The following ZNF839 variants were observed in gnomAD, a reference collection of about 807,000 sequenced individuals.
ZNF839 encodes the protein renal carcinoma antigen NY-REN-50.
Under a neutral mutation model 56.4 loss-of-function variants are expected in ZNF839, and 38 were observed. That is an observed-to-expected ratio of 0.67 (90% CI 0.52 to 0.88). The LOEUF (loss-of-function observed/expected upper bound fraction) is 0.88. Among genes scored for constraint, ZNF839 ranks in the 40% least tolerant of loss-of-function variants. The probability of loss-of-function intolerance (pLI) is 0.00; values close to 1 mark genes in which losing one functional copy is unlikely to be tolerated. For missense variants in ZNF839, 1,091 were observed against 1,177.6 expected (o/e 0.93, Z 1.08); for synonymous variants, 486 against 493.5 (o/e 0.98, Z 0.20).
At chr14:102,338,217 T>G (rs1360185145) in intron 5 of ZNF839, among the ~76,000 whole-genome samples, 2 of 152,134 alleles carry the variant, frequency 1.3e-5, no homozygotes, top group Non-Finnish European at 2.9e-5. Context: ...GTGATAGCAT[T>G]AAAGAGAGTG....
At chr14:102,317,858 A>G (rs1009519404), upstream of ZNF839, among the ~76,000 whole-genome samples, 8 of 152,098 alleles carry the variant, frequency 5.3e-5, no homozygotes, top group Admixed American at 2.6e-4. Context: ...AGCCAGAGCA[A>G]GTGGATGAAT....
At chr14:102,322,190 G>A (rs2073164757) in intron 1 of ZNF839, among the ~76,000 whole-genome samples, 1 of 152,206 alleles carries the variant, frequency 6.6e-6, no homozygotes, top group Admixed American at 6.5e-5. Context: ...GTTGTACCAT[G>A]ATGACATTTT....
At chr14:102,333,524 A>C (rs1320008539) in intron 3 of ZNF839, among the ~76,000 whole-genome samples, 1 of 151,918 alleles carries the variant, frequency 6.6e-6, no homozygotes, top group Non-Finnish European at 1.5e-5. Flanking sequence ...TGGCCTCCCA[A>C]ATTGCAGGGA....
Position 102,335,852 on chromosome 14 carries a change from A to G in ZNF839, c.1659+14A>G, listed in dbSNP as rs755091523. Reference sequence around the variant, plus strand: ...AACAATGATAAGGTAACAATCTCCCATGGCAGAAAGAGTTTTGCTCATAGA... The same window carrying G: ...AACAATGATAAGGTAACAATCTCCCGTGGCAGAAAGAGTTTTGCTCATAGA... On this transcript the variant is annotated intron_variant, in intron 5 of 7. Transcript: ENST00000442396. 1.2e-6 allele frequency: 2 copies of G among 1,608,348 alleles called. No individual in the cohort carries two copies. Among genetic ancestry groups the G allele is most frequent in the African/African-American group, 1.3e-5 (1 of 74,824 alleles).
chr14:102,322,705 C>CA (rs2073195501), intron 1 of ZNF839, among the ~76,000 whole-genome samples: 1 of 152,140 alleles, frequency 6.6e-6, no homozygotes, highest in African/African-American at 2.4e-5. Context: ...GCTGGGGCTA[C>CA]ATGTATGCAC....
At chr14:102,320,202 GC>G (rs2073051833) in intron 1 of ZNF839, 149 bp downstream of exon 1, 1 of 1,031,502 alleles carries the variant, frequency 9.7e-7, no homozygotes, top group African/African-American at 1.7e-5. Flanking sequence ...ACGGCGTTCG[GC>G]CCCCACCTGT....
At chr14:102,325,180 AC>A (rs1265242880) in intron 1 of ZNF839, among the ~76,000 whole-genome samples, 1 of 151,842 alleles carries the variant, frequency 6.6e-6, no homozygotes, top group East Asian at 2.0e-4. Flanking sequence ...ACATGGTGAA[AC>A]CCGTCTCTAC....
intron 1 of ZNF839, among the ~76,000 whole-genome samples, chr14:102,322,570 T>G (rs1041018377): frequency 3.3e-5 from 5 of 152,186 alleles, no homozygotes; most frequent in African/African-American, 1.2e-4. Flanking sequence ...ATATGTATTA[T>G]GTTTTTGTTT....
In ZNF839 at chr14:102,326,618, C is replaced by T; in HGVS notation, c.922C>T (p.Leu308=). ...HALFDLSSCS[L]RPKSFKCQTC... ...ACTCTTTGACTTATCGAGCTGCTCC[C>T]TGAGGCCCAAAAGCTTTAAGTGTCA... The change falls in exon 2 of 8, where the codon CTG becomes TTG. Residue 308 remains leucine, a synonymous_variant. Coordinates refer to ENST00000442396, the MANE Select transcript of ZNF839 (RefSeq NM_018335.6). This position sits in a 1 kb window ranked among gnomAD's most constrained non-coding sequence, Gnocchi z 4.3. 2 of 1,613,728 alleles carry T rather than the reference C, an allele frequency of 1.2e-6. No individual in the cohort carries two copies.
Position 102,331,717 on chromosome 14 carries a change from C to G in ZNF839, c.1287C>G (p.Arg429=). The change falls in exon 3 of 8, where the codon CGC becomes CGG. Residue 429 remains arginine (R), a synonymous_variant. Coordinates refer to ENST00000442396, the MANE Select transcript of ZNF839 (RefSeq NM_018335.6). ...AGAGATACCAAGGACCTAGAAGACG[C>G]GCATGCTCAGAGACCCTTGCAGAGT... ...RSERYQGPRR[R]ACSETLAESR... 1 of 1,609,700 alleles carries G rather than the reference C, an allele frequency of 6.2e-7. No homozygotes were observed. Among genetic ancestry groups the G allele is most frequent in the Non-Finnish European group, 8.5e-7 (1 of 1,177,900 alleles).
chr14:102,319,944 T>C lies in ZNF839; in HGVS notation c.179T>C (p.Phe60Ser). Residue 60 changes from phenylalanine to serine, a missense_variant, in exon 1 of 8, where the codon TTC (phenylalanine) becomes TCC (serine). Around this residue, in one of 3 missense-constraint regions of ZNF839, gnomAD observed 614 missense variants for 629.2 expected, o/e 0.98. Transcript: ENST00000442396. This position sits in a 1 kb window ranked among gnomAD's most constrained non-coding sequence, Gnocchi z 4.5. ...CAGCCGCCGCCGCCGCCGCCCCCCT[T>C]CGTGCTGCGGGACGCGGCGCGGCGG... ...KAQPPPPPPPFVLRDAARRLR... is the reference protein window; with the variant it reads ...KAQPPPPPPPSVLRDAARRLR... 1.7e-6 allele frequency: 2 copies of C among 1,194,208 alleles called. No homozygotes were observed. The highest frequency in any genetic ancestry group is 1.0e-6 in the Non-Finnish European group (1 of 964,266). 74.0% of individuals were successfully genotyped at this position (1,194,208 alleles called of 1,614,324 possible). A position where few individuals can be genotyped will look rare whatever the true frequency, so the allele number is the denominator to read the frequency against.
rs1333651374 is a variant in ZNF839 at position 102,326,033 on chromosome 14, C to G, written c.337C>G (p.Gln113Glu). The stretch of plus-strand genomic sequence containing the variant: ...GGTAACGTCTGGAGAAACAAAAGGT[C>G]AGGAAAGGCCAATGCTCCTACCGAC... ...VKVTSGETKG[Q>E]ERPMLLPTTI... The change falls in exon 2 of 8, where the codon CAG becomes GAG. Residue 113 changes from glutamine (Q) to glutamate (E), a missense_variant. Gln to Glu is a conservative substitution (Grantham distance 29). Transcript: ENST00000442396. The surrounding 1 kb of genome is among the most constrained non-coding windows in gnomAD (Gnocchi z 4.3). 1 of 1,613,312 alleles carries G rather than the reference C, an allele frequency of 6.2e-7. No individual in the cohort carries two copies. Among genetic ancestry groups the G allele is most frequent in the Admixed American group, 1.7e-5 (1 of 59,916 alleles).
At position 102,320,701 on chromosome 14, in the gene ZNF839, A is replaced by G. The variant is rs549338470; in HGVS notation, c.288+648A>G. On this transcript the variant is annotated intron_variant, in intron 1 of 7. Coordinates refer to ENST00000442396, the MANE Select transcript of ZNF839 (RefSeq NM_018335.6). Reference sequence around the variant, plus strand: ...CGCAGTACCCAGCACAGTGCCTGATACACAATGTTTGGAATATGTGAAAGC... The same window carrying G: ...CGCAGTACCCAGCACAGTGCCTGATGCACAATGTTTGGAATATGTGAAAGC... Among the ~76,000 whole-genome samples the G allele has an allele frequency of 5.3e-5, 8 of 152,344 alleles. No homozygotes were observed. In the South Asian group the frequency reaches 1.7e-3, roughly 32 times the overall value.
In ZNF839 at chr14:102,338,805, T is replaced by C; in HGVS notation, c.1660-11T>C. 1 of 1,613,378 alleles carries C rather than the reference T, an allele frequency of 6.2e-7. No individual in the cohort carries two copies. Among genetic ancestry groups the C allele is most frequent in the Non-Finnish European group, 8.5e-7 (1 of 1,179,556 alleles). ...GGGTGAAGTTTATTCTCTTGGCCCA[T>C]TTCTTTTCAGGTTGCTGAGTCATTA... On this transcript the variant is annotated splice_polypyrimidine_tract_variant and intron_variant, in intron 5 of 7. Coordinates refer to ENST00000442396, the MANE Select transcript of ZNF839 (RefSeq NM_018335.6).
intron 7 of ZNF839, among the ~76,000 whole-genome samples, chr14:102,340,561 C>T (rs1886400004): frequency 6.6e-6 from 1 of 152,150 alleles, no homozygotes; most frequent in Non-Finnish European, 1.5e-5. Flanking sequence ...CGTGAGCAGC[C>T]ACCGTGCCCA....
intron 5 of ZNF839, chr14:102,336,733 C>CTTT (rs369596864): frequency 7.6e-5 from 22 of 291,296 alleles, no homozygotes; most frequent in Admixed American, 1.5e-4. Context: ...TCATTTTCTT[C>CTTT]TTTTTTTTTT....
intron 1 of ZNF839, among the ~76,000 whole-genome samples, chr14:102,322,183 G>A (rs991126689): frequency 6.6e-6 from 1 of 152,162 alleles, no homozygotes; most frequent in Admixed American, 6.5e-5. Context: ...TGCACCTGTT[G>A]TACCATGATG....
In ZNF839 at chr14:102,336,810, C is replaced by T. The variant is rs139601027; in HGVS notation, c.1659+972C>T. On this transcript the variant is annotated intron_variant, in intron 5 of 7. Coordinates refer to ENST00000442396, the MANE Select transcript of ZNF839 (RefSeq NM_018335.6). Reference sequence around the variant, plus strand: ...GTGCAGTGGCACAATCACAGCTCACCGCAGCCTCAACCTTCTGGTCCCAAA... The same window carrying T: ...GTGCAGTGGCACAATCACAGCTCACTGCAGCCTCAACCTTCTGGTCCCAAA... The T allele has an allele frequency of 5.8e-3, 1,542 of 265,680 alleles. 9 individuals carry two copies. The highest frequency in any genetic ancestry group is 8.4e-3 in the Admixed American group (157 of 18,692). 16.5% of individuals were successfully genotyped at this position (265,680 alleles called of 1,614,324 possible). A position where few individuals can be genotyped will look rare whatever the true frequency, so the allele number is the denominator to read the frequency against.
At position 102,331,643 on chromosome 14, in the gene ZNF839, G is replaced by A. The variant is rs1196374093; in HGVS notation, c.1213G>A (p.Glu405Lys). 1 of 1,611,968 alleles carries A rather than the reference G, an allele frequency of 6.2e-7. No homozygotes were observed. Among genetic ancestry groups the A allele is most frequent in the Non-Finnish European group, 8.5e-7 (1 of 1,178,964 alleles). Residue 405 changes from glutamate to lysine, a missense_variant, in exon 3 of 8, where the codon GAA (glutamate) becomes AAA (lysine). Glu to Lys is a moderately conservative substitution (Grantham distance 56, BLOSUM62 1). Around this residue, in one of 3 missense-constraint regions of ZNF839, gnomAD observed 614 missense variants for 629.2 expected, o/e 0.98. Coordinates refer to ENST00000442396, the MANE Select transcript of ZNF839 (RefSeq NM_018335.6). ...CTAGAATGGTCAGTCTGTAGACGTT[G>A]AAGAGACATTGCCATCTGAACCAGA... ...GLQNGQSVDV[E>K]ETLPSEPENG...
Sources: allele counts gnomAD v4.1 joint callset (sites outside exome capture counted in the v4.1 genomes callset), GRCh38; gene constraint gnomAD v4.1.1; regional missense constraint gnomAD v4.1.1; non-coding constraint Gnocchi (gnomAD v3.1); transcripts MANE v1.5; gene names NCBI Gene and HGNC (gene_info 2026-07-23, HGNC 2026-07-21).